Variants in ZBTB48 observed in about 807,000 individuals in gnomAD.
ZBTB48 encodes the protein zinc finger and BTB domain-containing protein 48.
Under a neutral mutation model 64.5 loss-of-function variants are expected in ZBTB48, and 35 were observed. The observed-to-expected ratio is 0.54, with a 90% confidence interval of 0.41 to 0.72. The LOEUF (loss-of-function observed/expected upper bound fraction) is 0.72, where lower values mean the gene tolerates loss of function less well. ZBTB48 is among the 30% of genes least tolerant of loss of function. The pLI is 0.00. For missense variants in ZBTB48, 828 were observed against 895.3 expected, an observed-to-expected ratio of 0.92 and a Z score of 0.96; for synonymous variants, 442 against 356.7, an observed-to-expected ratio of 1.24 and a Z score of -2.70.
Position 6,581,170 on chromosome 1 carries a change from C to T in ZBTB48, c.561C>T (p.Ser187=). 1 of 1,613,516 alleles carries T rather than the reference C, an allele frequency of 6.2e-7. No homozygotes were observed. Among genetic ancestry groups the T allele is most frequent in the East Asian group, 2.2e-5 (1 of 44,880 alleles). Residue 187 remains serine, a synonymous_variant, in exon 2 of 11, where the codon TCC becomes TCT. Transcript: ENST00000377674. ...CCCCAGCTCAGAGTGAGGGCCCCTC[C>T]TCCCTCTGTGGGAAACTGAAGCAGG... ...LHSPAQSEGP[S]SLCGKLKQAL...
chr1:6,586,894 A>G, intron 5 of ZBTB48, 107 bp downstream of exon 5: 2 of 1,292,798 alleles, frequency 1.5e-6, no homozygotes, highest in East Asian at 2.6e-5. Context: ...AGTAGCTGTC[A>G]GGGAGCCTGC....
At position 6,581,070 on chromosome 1, in the gene ZBTB48, C is replaced by T. The variant is rs775919003; in HGVS notation, c.461C>T (p.Ser154Leu). The change falls in exon 2 of 11, where the codon TCG becomes TTG. Residue 154 changes from serine to leucine, a missense_variant. Coordinates refer to ENST00000377674, the MANE Select transcript of ZBTB48 (RefSeq NM_005341.4). ...EPAGLEEEEVSRTLGLVPRDQ... is the reference protein window; with the variant it reads ...EPAGLEEEEVLRTLGLVPRDQ... ...GCAGGCTTGGAAGAAGAGGAAGTTTCGAGGACTCTGGGTCTAGTCCCCAGG... is the reference window on the plus strand; with the variant it reads ...GCAGGCTTGGAAGAAGAGGAAGTTTTGAGGACTCTGGGTCTAGTCCCCAGG... The T allele has an allele frequency of 3.7e-6, 6 of 1,613,008 alleles. No individual in the cohort carries two copies. The highest frequency in any genetic ancestry group is 3.3e-5 in the South Asian group (3 of 91,076).
In ZBTB48 at chr1:6,580,812, G is replaced by T; in HGVS notation, c.203G>T (p.Gly68Val). Reference protein sequence around the residue: ...GSGGSVVLPAGFAEIFGLLLD... With the variant: ...GSGGSVVLPAVFAEIFGLLLD... ...GGGGGCAGTGTCGTCCTCCCTGCTG[G>T]CTTCGCTGAGATCTTTGGCCTCTTG... The change falls in exon 2 of 11, where the codon GGC (glycine) becomes GTC (valine). Residue 68 changes from glycine (G) to valine (V), a missense_variant. Gly to Val is a moderately radical substitution (Grantham distance 109). Transcript: ENST00000377674. This position sits in a 1 kb window ranked among gnomAD's most constrained non-coding sequence, Gnocchi z 5.2. The T allele has an allele frequency of 6.2e-7, 1 of 1,614,228 alleles. No individual in the cohort carries two copies.
At chr1:6,585,783 C>A in intron 3 of ZBTB48, 136 bp from the exon 4 acceptor site, 1 of 770,984 alleles carries the variant, frequency 1.3e-6, no homozygotes, top group Non-Finnish European at 2.2e-6. Flanking sequence ...GGCTTCTGGG[C>A]TTGTCCCTGC....
chr1:6,583,013 T>C (rs1640526354), intron 3 of ZBTB48, among the ~76,000 whole-genome samples: 1 of 151,284 alleles, frequency 6.6e-6, no homozygotes, highest in Admixed American at 6.6e-5. Flanking sequence ...TGTTTTTGAG[T>C]TGGAGTCTTG....
chr1:6,580,404 T>C lies in ZBTB48; in HGVS notation c.-69-137T>C. 1 of 608,756 alleles carries C rather than the reference T, an allele frequency of 1.6e-6. No individual in the cohort carries two copies. The allele number at this position is 608,756 out of a possible 1,614,324, so 37.7% of individuals were successfully genotyped here. ...AGCATCCCCCCTGGCCAATCCAATA[T>C]GGCCCCCGGCCCCCGGGAGGCTGTC... is the stretch of plus-strand genomic sequence containing the variant. On this transcript the variant is annotated intron_variant, in intron 1 of 10. Coordinates refer to ENST00000377674, the MANE Select transcript of ZBTB48 (RefSeq NM_005341.4). The surrounding 1 kb of genome is among the most constrained non-coding windows in gnomAD (Gnocchi z 5.2).
At chr1:6,588,488 G>A (rs758283896) in intron 9 of ZBTB48, 46 bp downstream of exon 9, 16 of 1,468,458 alleles carry the variant, frequency 1.1e-5, no homozygotes, top group Non-Finnish European at 1.4e-5. Flanking sequence ...CATCCGAGTT[G>A]GAGGGTCTCT....
At chr1:6,586,104 G>T (rs1183530464) in intron 4 of ZBTB48, 74 bp downstream of exon 4, 12 of 1,467,396 alleles carry the variant, frequency 8.2e-6, no homozygotes, top group Non-Finnish European at 1.1e-5. Flanking sequence ...TCCGGGAAGG[G>T]CCCCAGGAGA....
intron 9 of ZBTB48, 22 bp from the exon 10 acceptor site, chr1:6,588,734 C>T (rs891907873): frequency 1.4e-5 from 22 of 1,613,708 alleles, no homozygotes; most frequent in Non-Finnish European, 1.6e-5. Flanking sequence ...CATGATCCCC[C>T]ACGGTGTTCT....
At chr1:6,581,967 G>T in intron 2 of ZBTB48, 91 bp from the exon 3 acceptor site, 1 of 1,564,748 alleles carries the variant, frequency 6.4e-7, no homozygotes, top group South Asian at 1.2e-5. Context: ...TGTCAGGGTT[G>T]GGGCTTGGGA....
At position 6,587,067 on chromosome 1, in the gene ZBTB48, C is replaced by A. The variant is rs375282140; in HGVS notation, c.1138-138C>A. On this transcript the variant is annotated intron_variant, in intron 5 of 10. Transcript: ENST00000377674. ...CCTGAGGGCCCTCCTTTGCACCATCCTTCACACCAGATCAGGGGTCCTCCC... is the reference window on the plus strand; with the variant it reads ...CCTGAGGGCCCTCCTTTGCACCATCATTCACACCAGATCAGGGGTCCTCCC... The A allele has an allele frequency of 6.9e-4, 693 of 1,007,532 alleles. 2 individuals are homozygous for A. Among genetic ancestry groups the A allele is most frequent in the Middle Eastern group, 5.0e-3 (25 of 4,978 alleles). 62.4% of individuals were successfully genotyped at this position (1,007,532 alleles called of 1,614,324 possible).
At chr1:6,585,772 A>T in intron 3 of ZBTB48, 147 bp from the exon 4 acceptor site, 1 of 684,688 alleles carries the variant, frequency 1.5e-6, no homozygotes, top group Non-Finnish European at 2.5e-6. Context: ...ATGCTGGGGG[A>T]GGCTTCTGGG....
Position 6,588,969 on chromosome 1 carries a change from G to A in ZBTB48, c.1824G>A (p.Pro608=), listed in dbSNP as rs760520804. 7 of 1,602,838 alleles carry A rather than the reference G, an allele frequency of 4.4e-6. No individual in the cohort carries two copies. The highest frequency in any genetic ancestry group is 5.1e-6 in the Non-Finnish European group (6 of 1,173,254). Residue 608 remains proline, a synonymous_variant, in exon 11 of 11, where the codon CCG becomes CCA. Coordinates refer to ENST00000377674, the MANE Select transcript of ZBTB48 (RefSeq NM_005341.4). Reference sequence around the variant, plus strand: ...ACGACCGGGTAGAGAACTACAACCCGCGGCAGCGCAAGCTCCGCAACCTGA... The same window carrying A: ...ACGACCGGGTAGAGAACTACAACCCACGGCAGCGCAAGCTCCGCAACCTGA... ...EIHDRVENYN[P]RQRKLRNLII... is the part of the protein sequence containing the mutation.
At chr1:6,582,410 G>C in intron 3 of ZBTB48, 111 bp downstream of exon 3, 9 of 1,392,258 alleles carry the variant, frequency 6.5e-6, no homozygotes, top group Non-Finnish European at 8.9e-6. Context: ...ATCCATCTCA[G>C]ACCCACATAG....
rs558322995 is a variant in ZBTB48 at position 6,586,025 on chromosome 1, G to C, written c.1039G>C (p.Glu347Gln). ...HEARNCMNRS[E>Q]QVFTCSVCQE... The stretch of plus-strand genomic sequence containing the variant: ...AGCCCGGAATTGCATGAACCGCTCG[G>C]AACAGGTACTTGGGAGCTGGCCCAG... The change falls in exon 4 of 11, where the codon GAA (glutamate) becomes CAA (glutamine). Residue 347 changes from glutamate to glutamine, a missense_variant. Physicochemically the swap from Glu to Gln is conservative, Grantham distance 29. Transcript: ENST00000377674. 5.0e-6 allele frequency: 8 copies of C among 1,614,116 alleles called. No homozygotes were observed. Among genetic ancestry groups the C allele is most frequent in the East Asian group, 2.2e-5 (1 of 44,888 alleles).
chr1:6,586,911 TGCCTTCCC>T, intron 5 of ZBTB48, 124 bp downstream of exon 5: 3 of 1,064,098 alleles, frequency 2.8e-6, no homozygotes, highest in South Asian at 2.7e-5. Context: ...CTGCCTTCCC[TGCCTTCCC>T]TGCCTTTCCA....
At chr1:6,586,245 G>A (rs1640662454) in intron 4 of ZBTB48, 2 of 587,450 alleles carry the variant, frequency 3.4e-6, no homozygotes, top group Non-Finnish European at 6.0e-6. Context: ...GACTCTGTGG[G>A]AGGCATTTGG....
chr1:6,583,916 A>C (rs1451943346), intron 3 of ZBTB48, among the ~76,000 whole-genome samples: 1 of 150,608 alleles, frequency 6.6e-6, no homozygotes, highest in Non-Finnish European at 1.5e-5. Context: ...AGTAGCTGGG[A>C]TTACAGGCAC....
intron 5 of ZBTB48, 184 bp downstream of exon 5, chr1:6,586,971 C>G (rs1366128478): frequency 1.1e-6 from 1 of 874,610 alleles, no homozygotes; most frequent in Admixed American, 2.0e-5. Flanking sequence ...GCAGCCTCAC[C>G]TCCAAGGTCC....
Sources: allele counts gnomAD v4.1 joint callset (sites outside exome capture counted in the v4.1 genomes callset), GRCh38; gene constraint gnomAD v4.1.1; non-coding constraint Gnocchi (gnomAD v3.1); transcripts MANE v1.5; gene names NCBI Gene and HGNC (gene_info 2026-07-23, HGNC 2026-07-21).